The following DCAF17 variants were observed in gnomAD, a reference collection of about 807,000 sequenced individuals.
The protein encoded by DCAF17 is DDB1 and CUL4 associated factor 17, also known as DDB1- and CUL4-associated factor 17.
A neutral mutation model predicts 66.0 loss-of-function variants in DCAF17; 48 were observed. The ratio of observed to expected loss-of-function variants is 0.73; its 90% confidence interval spans 0.58 to 0.92. DCAF17 has a LOEUF of 0.92. DCAF17 is among the 40% of genes least tolerant of loss of function. The pLI is 0.00. For missense variants in DCAF17, 562 were observed against 622.8 expected (o/e 0.90, Z 1.04); for synonymous variants, 206 against 214.6 (o/e 0.96, Z 0.35).
chr2:171,441,596 C>T lies in DCAF17; in HGVS notation c.231-1927C>T, dbSNP rs142513867. On this transcript the variant is annotated intron_variant, in intron 2 of 13. Coordinates refer to ENST00000375255, the MANE Select transcript of DCAF17 (RefSeq NM_025000.4). ...GATGAGAAATGCTGTCATCCCACCC[C>T]TCCTAGGAAGATAGCTCTCTGAGTG... Among the ~76,000 whole-genome samples the T allele has an allele frequency of 4.1e-3, 629 of 152,264 alleles. 3 individuals are homozygous for T. Among genetic ancestry groups the T allele is most frequent in the Non-Finnish European group, 6.2e-3 (424 of 68,010 alleles).
intron 5 of DCAF17, among the ~76,000 whole-genome samples, chr2:171,450,343 A>G (rs962539727): frequency 2.0e-5 from 3 of 152,156 alleles, no homozygotes; most frequent in Non-Finnish European, 4.4e-5. Context: ...GAACTTACTC[A>G]TGTGACCCAA....
intron 2 of DCAF17, among the ~76,000 whole-genome samples, chr2:171,438,524 A>G (rs1482963527): frequency 6.6e-6 from 1 of 152,078 alleles, no homozygotes; most frequent in African/African-American, 2.4e-5. Flanking sequence ...TTGTGTTTTG[A>G]TACTCTGTTG....
chr2:171,441,323 C>T (rs1437839384), intron 2 of DCAF17, among the ~76,000 whole-genome samples: 2 of 152,224 alleles, frequency 1.3e-5, no homozygotes, highest in African/African-American at 4.8e-5. Flanking sequence ...GACTCCCCTA[C>T]TCTAGAAGCT....
At chr2:171,474,701 C>A (rs559419889) in intron 10 of DCAF17, among the ~76,000 whole-genome samples, 14 of 152,326 alleles carry the variant, frequency 9.2e-5, no homozygotes, top group African/African-American at 3.4e-4. Flanking sequence ...TACCTTCTTA[C>A]CAATTTGTCT....
At chr2:171,477,370 AC>A (rs2105809363) in intron 11 of DCAF17, among the ~76,000 whole-genome samples, 1 of 152,338 alleles carries the variant, frequency 6.6e-6, no homozygotes, top group East Asian at 1.9e-4. Flanking sequence ...AATTTCAAAA[AC>A]AGATCCACTT....
At chr2:171,464,691 T>C (rs928743298) in intron 8 of DCAF17, among the ~76,000 whole-genome samples, 1 of 152,194 alleles carries the variant, frequency 6.6e-6, no homozygotes, top group Non-Finnish European at 1.5e-5. Flanking sequence ...TGGATATCTT[T>C]ACTTTTAGGT....
rs1293294404 is a variant in DCAF17, at chr2:171,450,151, AT to A, written c.537+198del. 2.1e-5 allele frequency: 11 copies of A among 531,408 alleles called. No homozygotes were observed. The African/African-American group carries it at 2.1e-4, about 10-fold the overall frequency. 32.9% of individuals were successfully genotyped at this position (531,408 alleles called of 1,614,324 possible). On this transcript the variant is annotated intron_variant, in intron 5 of 13. Coordinates refer to ENST00000375255, the MANE Select transcript of DCAF17 (RefSeq NM_025000.4). ...TAAGAAATGGAAAACCAGACATTGTATTTTCTCACTCATAAGTGAGAGCTAA... is the reference window on the plus strand; with the variant it reads ...TAAGAAATGGAAAACCAGACATTGTATTTCTCACTCATAAGTGAGAGCTAA...
chr2:171,456,172 C>G (rs917376851), intron 6 of DCAF17, among the ~76,000 whole-genome samples: 2 of 152,154 alleles, frequency 1.3e-5, no homozygotes, highest in Admixed American at 1.3e-4. Context: ...TTTAATCCAT[C>G]TTGAGTTAAT....
intron 10 of DCAF17, among the ~76,000 whole-genome samples, chr2:171,475,269 TTTTCA>T (rs1466184408): frequency 6.6e-6 from 1 of 152,194 alleles, no homozygotes; most frequent in East Asian, 1.9e-4. Context: ...GCCCATCATA[TTTTCA>T]TTGCACCCAC....
chr2:171,435,161 G>C lies in DCAF17; in HGVS notation c.205G>C (p.Asp69His), dbSNP rs760538522. The part of the protein sequence containing the change: ...IAYERGRIYF[D>H]NYRRCVSSVA... Reference sequence around the variant, plus strand: ...CTATGAGAGAGGAAGAATATATTTTGACAATTATCGGCGCTGTGTCAGCAG... The same window carrying C: ...CTATGAGAGAGGAAGAATATATTTTCACAATTATCGGCGCTGTGTCAGCAG... The change falls in exon 2 of 14, where the codon GAC (aspartate) becomes CAC (histidine). Residue 69 changes from aspartate to histidine, a missense_variant. Transcript: ENST00000375255. The C allele has an allele frequency of 6.2e-7, 1 of 1,613,554 alleles. No homozygotes were observed. Among genetic ancestry groups the C allele is most frequent in the South Asian group, 1.1e-5 (1 of 91,052 alleles).
chr2:171,455,858 G>T (rs191183094), intron 6 of DCAF17, among the ~76,000 whole-genome samples: 1 of 151,878 alleles, frequency 6.6e-6, no homozygotes, highest in African/African-American at 2.4e-5. Flanking sequence ...TTTTAATGGG[G>T]TTGTTTTTTT....
In DCAF17 at chr2:171,448,794, TC is replaced by T. The variant is rs797045038; in HGVS notation, c.436del (p.Ala147HisfsTer9). 14 of 1,613,114 alleles carry T rather than the reference TC, an allele frequency of 8.7e-6. No homozygotes were observed. The Middle Eastern group carries it at 2.1e-3, about 247-fold the overall frequency. On this transcript the variant is annotated frameshift_variant, in exon 4 of 14. Coordinates refer to ENST00000375255, the MANE Select transcript of DCAF17 (RefSeq NM_025000.4). LOFTEE classifies it high-confidence loss of function. ...TTGKILEKIY[L>X]APYCKFRYLS... is the part of the protein sequence containing the mutation. ...CGGGAAAAATCCTTGAGAAAATATA[TC>T]TTGCACCTTATTGCAAATTCAGGTA... is the stretch of plus-strand genomic sequence containing the variant.
rs748802684 is a variant in DCAF17, at chr2:171,480,196, G to A, written c.1422+3G>A. ...CACTAGTGGAGTCATGGGATGTGGT[G>A]AGTAGAGTCCGTGGGATACAAAGTT... On this transcript the variant is annotated splice_donor_region_variant and intron_variant, in intron 13 of 13. Coordinates refer to ENST00000375255, the MANE Select transcript of DCAF17 (RefSeq NM_025000.4). The A allele has an allele frequency of 2.4e-5, 39 of 1,612,992 alleles. No homozygotes were observed. Among genetic ancestry groups the A allele is most frequent in the Admixed American group, 1.3e-4 (8 of 59,934 alleles).
At chr2:171,437,389 A>G (rs551232988) in intron 2 of DCAF17, among the ~76,000 whole-genome samples, 4 of 152,304 alleles carry the variant, frequency 2.6e-5, no homozygotes, top group African/African-American at 9.6e-5. Flanking sequence ...TCAAAAATCA[A>G]TTGACCATAG....
chr2:171,473,786 GATCT>G (rs756012008), intron 9 of DCAF17, 76 bp from the exon 10 acceptor site: 6 of 1,120,064 alleles, frequency 5.4e-6, no homozygotes, highest in Non-Finnish European at 8.0e-6. Context: ...TTGACCTACT[GATCT>G]ATCACTTGGG....
In DCAF17 at chr2:171,453,180, T is replaced by A; in HGVS notation, c.594T>A (p.Phe198Leu). ...TTGCAGTGTTCCGAGTTCTACCTTT[T>A]TCACTTGTAGGGATTCTAGAGATCA... is the stretch of plus-strand genomic sequence containing the variant. ...LYLAVFRVLP[F>L]SLVGILEINK... Residue 198 changes from phenylalanine (F) to leucine (L), a missense_variant, in exon 6 of 14, where the codon TTT (phenylalanine) becomes TTA (leucine). Transcript: ENST00000375255. The A allele has an allele frequency of 6.2e-7, 1 of 1,613,286 alleles. No individual in the cohort carries two copies. Among genetic ancestry groups the A allele is most frequent in the Non-Finnish European group, 8.5e-7 (1 of 1,179,572 alleles).
At chr2:171,444,713 G>A (rs1327821298) in intron 3 of DCAF17, among the ~76,000 whole-genome samples, 2 of 152,152 alleles carry the variant, frequency 1.3e-5, no homozygotes, top group Admixed American at 6.5e-5. Context: ...AGATTAATCA[G>A]GTCTTTGAAT....
chr2:171,480,831 T>G, intron 13 of DCAF17, 143 bp from the exon 14 acceptor site: 1 of 1,023,270 alleles, frequency 9.8e-7, no homozygotes, highest in Non-Finnish European at 1.5e-6. Flanking sequence ...CCACAAATAA[T>G]GAAAAATAAA....
At chr2:171,434,917 T>G in intron 1 of DCAF17, 166 bp from the exon 2 acceptor site, 1 of 1,042,222 alleles carries the variant, frequency 9.6e-7, no homozygotes, top group South Asian at 1.7e-5. Context: ...GAAACAATTA[T>G]TCTAAAAGTT....
Sources: allele counts gnomAD v4.1 joint callset (sites outside exome capture counted in the v4.1 genomes callset), GRCh38; gene constraint gnomAD v4.1.1; transcripts MANE v1.5; gene names NCBI Gene and HGNC (gene_info 2026-07-23, HGNC 2026-07-21).